The following NTRK2 variants were observed in gnomAD, a reference collection of about 807,000 sequenced individuals.
The protein encoded by NTRK2 is BDNF/NT-3 growth factors receptor.
In NTRK2, 13 loss-of-function variants were observed where a neutral mutation model predicts 94.5. The observed-to-expected ratio is 0.14, with a 90% CI of 0.09 to 0.22. NTRK2 has a LOEUF of 0.22. NTRK2 is among the 10% of genes least tolerant of loss of function. NTRK2 has a pLI of 1.00. For synonymous variants in NTRK2, 372 were observed against 407.4 expected, an observed-to-expected ratio of 0.91 and a Z score of 1.05; for missense variants, 639 against 1,071.2, an observed-to-expected ratio of 0.60 and a Z score of 5.63.
intron 12 of NTRK2, among the ~76,000 whole-genome samples, chr9:84,755,525 CTTTTTTTTT>C (rs745611460): frequency 2.5e-3 from 154 of 60,654 alleles, no homozygotes; most frequent in Middle Eastern, 9.8e-3. Flanking sequence ...AGTCCCACCT[CTTTTTTTTT>C]TTTTTTTTTT....
chr9:84,701,728 G>A (rs1043060435), intron 2 of NTRK2, among the ~76,000 whole-genome samples: 6 of 152,150 alleles, frequency 3.9e-5, no homozygotes. Flanking sequence ...GGAGGGAGTG[G>A]CTGTCTCTCT....
intron 17 of NTRK2, among the ~76,000 whole-genome samples, chr9:85,000,637 TG>T (rs1348541773): frequency 1.3e-5 from 2 of 152,336 alleles, no homozygotes; most frequent in Admixed American, 1.3e-4. Context: ...ATTGTATAGA[TG>T]TACTGCAGTT....
At chr9:84,967,646 C>A (rs767460743) in intron 17 of NTRK2, among the ~76,000 whole-genome samples, 1 of 152,238 alleles carries the variant, frequency 6.6e-6, no homozygotes, top group Non-Finnish European at 1.5e-5. Context: ...ACGGCGGAGC[C>A]CAGCTATGTG....
At chr9:84,715,189 A>C (rs2061638500) in intron 6 of NTRK2, among the ~76,000 whole-genome samples, 1 of 152,216 alleles carries the variant, frequency 6.6e-6, no homozygotes, top group Non-Finnish European at 1.5e-5. Flanking sequence ...ATTAATGTTC[A>C]TATTGGACCA....
intron 6 of NTRK2, among the ~76,000 whole-genome samples, chr9:84,718,623 G>A (rs1412597814): frequency 2.6e-5 from 4 of 152,188 alleles, no homozygotes; most frequent in Middle Eastern, 3.2e-3. Context: ...GTTCCCCAGA[G>A]TGCAAAGGAA....
rs184420725 is a variant in NTRK2 at position 84,883,790 on chromosome 9, G to A, written c.1633+16359G>A. ...AAATGCAGAAATGCCCAAAGTGGGT[G>A]AGATTAGGCTCAATCCTTCTAATAA... On this transcript the variant is annotated intron_variant, in intron 14 of 18. Coordinates refer to ENST00000277120, the MANE Select transcript of NTRK2 (RefSeq NM_006180.6). Among the ~76,000 whole-genome samples the A allele has an allele frequency of 7.2e-3, 1,094 of 152,322 alleles. 11 individuals are homozygous for A. The highest frequency in any genetic ancestry group is 0.025 in the African/African-American group (1,039 of 41,574).
In NTRK2 at chr9:84,707,379, C is replaced by T. The variant is rs75505869; in HGVS notation, c.360-465C>T. On this transcript the variant is annotated intron_variant, in intron 4 of 18. Coordinates refer to ENST00000277120, the MANE Select transcript of NTRK2 (RefSeq NM_006180.6). ...CAATAAAATGTCTTTCCTATAAAGA[C>T]GTATTGAATTCAGTTAATATTCAGA... Among the ~76,000 whole-genome samples, 917 of 152,086 alleles carry T rather than the reference C, an allele frequency of 6.0e-3. 5 individuals carry two copies. The highest frequency in any genetic ancestry group is 9.8e-3 in the Non-Finnish European group (663 of 67,986).
At chr9:84,765,919 A>T (rs923219526) in intron 12 of NTRK2, among the ~76,000 whole-genome samples, 9 of 152,210 alleles carry the variant, frequency 5.9e-5, no homozygotes, top group Admixed American at 2.0e-4. Context: ...AGAAAAAATT[A>T]AAAAATATGG....
chr9:84,948,551 G>T lies in NTRK2; in HGVS notation c.1854G>T (p.Lys618Asn). 6.2e-7 allele frequency: 1 copy of T among 1,614,118 alleles called. No individual in the cohort carries two copies. The highest frequency in any genetic ancestry group is 8.5e-7 in the Non-Finnish European group (1 of 1,180,030). The change falls in exon 16 of 19, where the codon AAG (lysine) becomes AAT (asparagine). Residue 618 changes from lysine (K) to asparagine (N), a missense_variant. By Grantham distance (94) the Lys-to-Asn change is moderately conservative (BLOSUM62 0). Coordinates refer to ENST00000277120, the MANE Select transcript of NTRK2 (RefSeq NM_006180.6). ...LTNLQHEHIV[K>N]FYGVCVEGDP... is the part of the protein sequence containing the mutation. ...ACCTCCAGCATGAGCACATCGTCAA[G>T]TTCTATGGCGTCTGCGTGGAGGGCG...
intron 14 of NTRK2, chr9:84,876,963 A>G (rs2076088883): frequency 1.9e-6 from 2 of 1,060,830 alleles, no homozygotes; most frequent in Admixed American, 1.1e-4. Flanking sequence ...TGGATTTTAA[A>G]GAGGAAAACA....
At chr9:84,739,493 T>C (rs1230584397) in intron 9 of NTRK2, among the ~76,000 whole-genome samples, 1 of 152,242 alleles carries the variant, frequency 6.6e-6, no homozygotes, top group Non-Finnish European at 1.5e-5. Context: ...GTAGTGTGTT[T>C]GGATGTTCCT....
At chr9:84,814,815 GTCACATCTAGTCTA>G in intron 12 of NTRK2, 1 of 1,064,102 alleles carries the variant, frequency 9.4e-7, no homozygotes, top group South Asian at 4.6e-5. Flanking sequence ...GGCAGGGCCA[GTCACATCTAGTCTA>G]TGTCCCCAGA....
intron 4 of NTRK2, among the ~76,000 whole-genome samples, chr9:84,703,024 A>T (rs2060827447): frequency 6.6e-6 from 1 of 152,210 alleles, no homozygotes; most frequent in African/African-American, 2.4e-5. Flanking sequence ...GAAAATGGGA[A>T]CTGTTAGCTT....
chr9:84,873,489 C>G (rs199850455), intron 14 of NTRK2: 236 of 1,059,244 alleles, frequency 2.2e-4, no homozygotes, highest in Non-Finnish European at 2.6e-4. Flanking sequence ...TTCCTTCCCC[C>G]TCTCAGTGCC....
intron 12 of NTRK2, among the ~76,000 whole-genome samples, chr9:84,785,037 G>T (rs1029769644): frequency 3.9e-5 from 6 of 152,164 alleles, no homozygotes; most frequent in African/African-American, 9.7e-5. Context: ...GGGAACTACA[G>T]AGAGAAACCA....
chr9:84,838,081 A>G (rs1587605598), intron 12 of NTRK2, among the ~76,000 whole-genome samples: 1 of 152,226 alleles, frequency 6.6e-6, no homozygotes, highest in South Asian at 2.1e-4. Context: ...ATCCAATAAT[A>G]AAACTAGAGG....
rs188995704 is a variant in NTRK2 at position 84,768,990 on chromosome 9, C to A, written c.1396+16905C>A. Among the ~76,000 whole-genome samples, 327 of 152,086 alleles carry A rather than the reference C, an allele frequency of 2.2e-3. 2 individuals carry two copies. Among genetic ancestry groups the A allele is most frequent in the African/African-American group, 7.3e-3 (304 of 41,492 alleles). ...CAGATATGGAAGATTTTGGCTTAAC[C>A]AACTTAATAGGATTCTTACCAATCC... On this transcript the variant is annotated intron_variant, in intron 12 of 18. Transcript: ENST00000277120.
intron 17 of NTRK2, among the ~76,000 whole-genome samples, chr9:85,005,814 T>C (rs1248203921): frequency 3.3e-5 from 5 of 152,224 alleles, no homozygotes; most frequent in African/African-American, 1.2e-4. Context: ...AGAAAAGCCT[T>C]GACTGACCTA....
intron 14 of NTRK2, among the ~76,000 whole-genome samples, chr9:84,886,644 G>A (rs1240929962): frequency 3.3e-5 from 5 of 152,160 alleles, no homozygotes; most frequent in South Asian, 2.1e-4. Context: ...ACCTAATGCC[G>A]TTCCTTGAAT....
Sources: gnomAD v4.1 joint callset for allele counts (sites outside exome capture counted in the v4.1 genomes callset) on GRCh38, gnomAD v4.1.1 for gene constraint, MANE v1.5 for transcripts, NCBI Gene and HGNC (gene_info 2026-07-23, HGNC 2026-07-21) for gene names.